The following STPG2 variants were observed in gnomAD, a reference collection of about 807,000 sequenced individuals.
STPG2 encodes sperm tail PG-rich repeat containing 2, also known as sperm-tail PG-rich repeat-containing protein 2.
Under a neutral mutation model 54.2 loss-of-function variants are expected in STPG2, and 56 were observed. That is an observed-to-expected ratio of 1.03 (90% confidence interval 0.83 to 1.29). The LOEUF (loss-of-function observed/expected upper bound fraction) is 1.29, where lower values mean the gene tolerates loss of function less well. Among genes scored for constraint, STPG2 ranks in the 50% most tolerant of loss-of-function variants. The pLI, the probability that STPG2 is intolerant of heterozygous loss-of-function variation, is 0.00. For missense variants in STPG2, 596 were observed against 544.9 expected, an observed-to-expected ratio of 1.09 and a Z score of -0.93; for synonymous variants, 200 against 181.8, an observed-to-expected ratio of 1.10 and a Z score of -0.81.
At chr4:97,854,507 A>G (rs1729269729) in intron 8 of STPG2, among the ~76,000 whole-genome samples, 1 of 148,554 alleles carries the variant, frequency 6.7e-6, no homozygotes, top group South Asian at 2.1e-4. Flanking sequence ...TATTATTTAT[A>G]ATTATTATAC....
rs563537362 is a variant in STPG2 at position 97,634,528 on chromosome 4, G to A, written c.1321-75411C>T. ...GAGCTGAGAGAAGAAGGCTTCAGACGATCAAATTACTCTGAGCTACGGGAG... is the reference window on the plus strand; with the variant it reads ...GAGCTGAGAGAAGAAGGCTTCAGACAATCAAATTACTCTGAGCTACGGGAG... On this transcript the variant is annotated intron_variant, in intron 10 of 10. Transcript: ENST00000295268. 4.3e-3 allele frequency among the ~76,000 whole-genome samples: 653 copies of A among 150,998 alleles called. 5 individuals carry two copies. The highest frequency in any genetic ancestry group is 0.02 in the South Asian group (93 of 4,730).
chr4:97,538,443 G>A (rs1455008153), intron 4 of STPG2, among the ~76,000 whole-genome samples: 2 of 152,040 alleles, frequency 1.3e-5, no homozygotes, highest in Non-Finnish European at 2.9e-5. Context: ...AGGATATCAG[G>A]GATCGAAGAT....
At chr4:97,620,876 A>G (rs1467138057) in intron 10 of STPG2, among the ~76,000 whole-genome samples, 1 of 152,174 alleles carries the variant, frequency 6.6e-6, no homozygotes, top group Non-Finnish European at 1.5e-5. Context: ...TGACCACACA[A>G]TTGGACATAA....
At chr4:97,697,311 C>A (rs1039370569) in intron 10 of STPG2, among the ~76,000 whole-genome samples, 1 of 152,150 alleles carries the variant, frequency 6.6e-6, no homozygotes, top group African/African-American at 2.4e-5. Context: ...GGACACTCTA[C>A]AAACTTGTCT....
At chr4:97,471,889 T>G (rs1729945519) in intron 4 of STPG2, among the ~76,000 whole-genome samples, 2 of 152,144 alleles carry the variant, frequency 1.3e-5, no homozygotes, top group African/African-American at 2.4e-5. Flanking sequence ...CGAAAACAAG[T>G]TTTCATACAG....
intron 6 of STPG2, among the ~76,000 whole-genome samples, chr4:97,975,084 G>A (rs1165902789): frequency 6.6e-6 from 1 of 152,114 alleles, no homozygotes; most frequent in East Asian, 1.9e-4. Flanking sequence ...TGTAAATTTA[G>A]AAAAGATAAA....
At chr4:97,720,352 A>G (rs769630350) in intron 9 of STPG2, among the ~76,000 whole-genome samples, 3 of 151,928 alleles carry the variant, frequency 2.0e-5, no homozygotes, top group Non-Finnish European at 4.4e-5. Context: ...AATATCCCTG[A>G]GAGGGTAGAA....
At chr4:97,908,273 A>G (rs937425850) in intron 8 of STPG2, among the ~76,000 whole-genome samples, 21 of 152,124 alleles carry the variant, frequency 1.4e-4, no homozygotes, top group African/African-American at 5.1e-4. Flanking sequence ...AATGCTCACC[A>G]TCACTGGCCA....
chr4:97,460,551 C>T (rs186496272), intron 4 of STPG2, among the ~76,000 whole-genome samples: 2 of 151,836 alleles, frequency 1.3e-5, no homozygotes, highest in Non-Finnish European at 2.9e-5. Context: ...CTTGGAACTG[C>T]TATTAGGCAT....
chr4:97,530,236 T>A (rs1281660147), intron 4 of STPG2, among the ~76,000 whole-genome samples: 1 of 152,216 alleles, frequency 6.6e-6, no homozygotes, highest in Non-Finnish European at 1.5e-5. Context: ...TGTTGAATTC[T>A]CCTAGTGATA....
At chr4:97,566,573 A>G (rs1396004957) in intron 10 of STPG2, among the ~76,000 whole-genome samples, 3 of 152,136 alleles carry the variant, frequency 2.0e-5, no homozygotes, top group Non-Finnish European at 4.4e-5. Context: ...CTATTTGGCC[A>G]TCTTGGCTTG....
chr4:97,736,193 T>C (rs767083629), intron 9 of STPG2, among the ~76,000 whole-genome samples: 4 of 152,184 alleles, frequency 2.6e-5, no homozygotes, highest in Admixed American at 6.5e-5. Flanking sequence ...TCTGAATATA[T>C]ACCCAAAGAA....
intron 5 of STPG2, among the ~76,000 whole-genome samples, chr4:97,987,068 T>C (rs1283180561): frequency 6.6e-6 from 1 of 152,198 alleles, no homozygotes; most frequent in Non-Finnish European, 1.5e-5. Context: ...TGGCTAAATA[T>C]CTGAACCACA....
chr4:97,581,207 A>G (rs1341155049), intron 10 of STPG2, among the ~76,000 whole-genome samples: 1 of 152,046 alleles, frequency 6.6e-6, no homozygotes, highest in African/African-American at 2.4e-5. Context: ...GACAGGTAAT[A>G]AGAAATATTT....
At chr4:97,458,186 C>A (rs1439467756) in intron 4 of STPG2, among the ~76,000 whole-genome samples, 2 of 152,126 alleles carry the variant, frequency 1.3e-5, no homozygotes, top group African/African-American at 4.8e-5. Context: ...AAACCATGTT[C>A]AAATTGTAGC....
At chr4:97,703,516 A>G (rs1723842956) in intron 10 of STPG2, among the ~76,000 whole-genome samples, 1 of 141,216 alleles carries the variant, frequency 7.1e-6, no homozygotes, top group South Asian at 2.1e-4. Context: ...TAGTATATAG[A>G]CTATATACTA....
At chr4:97,506,019 C>CAA (rs59206485) in intron 4 of STPG2, among the ~76,000 whole-genome samples, 2,462 of 16,924 alleles carry the variant, frequency 0.15, 302 homozygotes, top group Non-Finnish European at 0.17. Context: ...AATAGGAGAC[C>CAA]AAAAAAAAAA....
rs931018907 is a variant in STPG2, at chr4:97,716,962, C to T, written c.1205-4148G>A. 5.3e-5 allele frequency among the ~76,000 whole-genome samples: 8 copies of T among 152,180 alleles called. No homozygotes were observed. The East Asian group carries it at 9.7e-4, about 18-fold the overall frequency. ...TAAAATGTCATTTAGAAAGTTTATA[C>T]ATTTATGGAACACATTTTCTCATAC... is the stretch of plus-strand genomic sequence containing the variant. On this transcript the variant is annotated intron_variant, in intron 9 of 10. Transcript: ENST00000295268.
At chr4:97,923,920 G>C (rs957800774) in intron 8 of STPG2, among the ~76,000 whole-genome samples, 1 of 152,096 alleles carries the variant, frequency 6.6e-6, no homozygotes, top group Non-Finnish European at 1.5e-5. Context: ...CTGTAAAATG[G>C]GCCAATCAGC....
Sources: allele counts gnomAD v4.1 joint callset (sites outside exome capture counted in the v4.1 genomes callset), GRCh38; gene constraint gnomAD v4.1.1; transcripts MANE v1.5; gene names NCBI Gene and HGNC (gene_info 2026-07-23, HGNC 2026-07-21).